MPPED2: variants seen among roughly 807,000 people sequenced by gnomAD.
The protein encoded by MPPED2 is metallophosphoesterase domain containing 2.
A neutral mutation model predicts 33.0 loss-of-function variants in MPPED2; 5 were observed. The ratio of observed to expected loss-of-function variants is 0.15; its 90% CI spans 0.08 to 0.32. The LOEUF (loss-of-function observed/expected upper bound fraction) is 0.32. Among genes scored for constraint, MPPED2 ranks in the 10% least tolerant of loss-of-function variants. MPPED2 has a pLI of 1.00. For synonymous variants in MPPED2, 136 were observed against 141.9 expected, an observed-to-expected ratio of 0.96 and a Z score of 0.29; for missense variants, 275 against 372.1, an observed-to-expected ratio of 0.74 and a Z score of 2.15.
chr11:30,438,887 A>C (rs1244807615), intron 4 of MPPED2, among the ~76,000 whole-genome samples: 2 of 152,178 alleles, frequency 1.3e-5, no homozygotes, highest in Non-Finnish European at 2.9e-5. Flanking sequence ...TCTTAACTAG[A>C]CTATAAGCTC....
chr11:30,471,738 A>G (rs1030699675), intron 4 of MPPED2, among the ~76,000 whole-genome samples: 2 of 152,176 alleles, frequency 1.3e-5, no homozygotes, highest in Admixed American at 1.3e-4. Context: ...CATTACAGTG[A>G]GCAGGCGTTC....
exon 7 of MPPED2, chr11:30,387,133 A>C (rs187518702): frequency 5.9e-5 from 11 of 185,660 alleles, no homozygotes; most frequent in Non-Finnish European, 1.0e-4. Context: ...CTGAGCATCT[A>C]AGCCACTCTC....
At chr11:30,563,847 A>T (rs1462058047) in intron 2 of MPPED2, among the ~76,000 whole-genome samples, 1 of 152,226 alleles carries the variant, frequency 6.6e-6, no homozygotes, top group Non-Finnish European at 1.5e-5. Context: ...TAGAAAGGGC[A>T]ATATTGCTAT....
chr11:30,445,315 C>T lies in MPPED2; in HGVS notation c.537-27682G>A, dbSNP rs948121187. Among the ~76,000 whole-genome samples, 12 of 152,210 alleles carry T rather than the reference C, an allele frequency of 7.9e-5. No homozygotes were observed. The East Asian group carries it at 1.9e-3, about 25-fold the overall frequency. On this transcript the variant is annotated intron_variant, in intron 4 of 6. Transcript: ENST00000358117. The stretch of plus-strand genomic sequence containing the variant: ...GCTAACATGATTTGTTGAAGACCTT[C>T]GACTAATACAAAGGAACTAAATTCC...
chr11:30,440,318 A>T (rs1949512163), intron 4 of MPPED2, among the ~76,000 whole-genome samples: 1 of 149,722 alleles, frequency 6.7e-6, no homozygotes, highest in Admixed American at 6.7e-5. Flanking sequence ...TGACAGCGTG[A>T]GACTCCGTCT....
At chr11:30,390,622 G>A (rs148817229) in intron 6 of MPPED2, among the ~76,000 whole-genome samples, 101 of 152,310 alleles carry the variant, frequency 6.6e-4, no homozygotes, top group African/African-American at 2.3e-3. Flanking sequence ...AAGAAAGACT[G>A]TTTCGGTTAG....
At chr11:30,498,173 C>A (rs1368728476) in intron 3 of MPPED2, among the ~76,000 whole-genome samples, 1 of 151,870 alleles carries the variant, frequency 6.6e-6, no homozygotes, top group South Asian at 2.1e-4. Flanking sequence ...CAAAGAGGTG[C>A]CTGCCTTTTT....
intron 6 of MPPED2, among the ~76,000 whole-genome samples, chr11:30,397,745 AT>A (rs1415379434): frequency 6.6e-6 from 1 of 152,102 alleles, no homozygotes; most frequent in Non-Finnish European, 1.5e-5. Flanking sequence ...AGATTAAGTA[AT>A]TTGATCAATA....
In MPPED2 at chr11:30,393,090, A is replaced by G. The variant is rs146056834; in HGVS notation, c.767-4134T>C. Among the ~76,000 whole-genome samples, 613 of 152,118 alleles carry G rather than the reference A, an allele frequency of 4.0e-3. 5 individuals carry two copies. The highest frequency in any genetic ancestry group is 0.014 in the African/African-American group (575 of 41,494). On this transcript the variant is annotated intron_variant, in intron 6 of 6. Coordinates refer to the MPPED2 transcript ENST00000448418. ...CCTTCAATTTGTGCCCAATCTGGAG[A>G]TCACCTCTCATCGACAGTTGTTTCT... is the stretch of plus-strand genomic sequence containing the variant.
At chr11:30,506,685 AC>A (rs1050604754) in intron 3 of MPPED2, among the ~76,000 whole-genome samples, 1 of 152,264 alleles carries the variant, frequency 6.6e-6, no homozygotes. Context: ...AATAAAAATA[AC>A]ATAAGGCATA....
Position 30,542,129 on chromosome 11 carries a change from A to C in MPPED2, c.129-5954T>G, listed in dbSNP as rs1394918969. ...TTTAAAGGAACTTAGAGATGATCTGATCCTGTGTTCCACTTCTTTGAGGAT... is the reference window on the plus strand; with the variant it reads ...TTTAAAGGAACTTAGAGATGATCTGCTCCTGTGTTCCACTTCTTTGAGGAT... On this transcript the variant is annotated intron_variant, in intron 2 of 6. Transcript: ENST00000358117. Among the ~76,000 whole-genome samples, 3 of 152,170 alleles carry C rather than the reference A, an allele frequency of 2.0e-5. No individual in the cohort carries two copies. The East Asian group carries it at 5.8e-4, about 29-fold the overall frequency.
intron 3 of MPPED2, among the ~76,000 whole-genome samples, chr11:30,522,152 T>A (rs1280635375): frequency 3.3e-5 from 5 of 152,128 alleles, no homozygotes; most frequent in Middle Eastern, 3.4e-3. Context: ...TGATTCTGTA[T>A]AGAAGCCTGG....
chr11:30,410,701 A>G lies in MPPED2; in HGVS notation c.*767T>C. 1.0e-6 allele frequency: 1 copy of G among 984,414 alleles called. No homozygotes were observed. The highest frequency in any genetic ancestry group is 1.2e-6 in the Non-Finnish European group (1 of 828,598). 61.0% of individuals were successfully genotyped at this position (984,414 alleles called of 1,614,324 possible). On this transcript the variant is annotated 3_prime_UTR_variant, in exon 7 of 7. Coordinates refer to ENST00000358117, the MANE Select transcript of MPPED2 (RefSeq NM_001584.3). The stretch of plus-strand genomic sequence containing the variant: ...AACTCCTAACGTAGTCATAATACAC[A>G]AAAAATACTTATATATATAAACCCA...
intron 2 of MPPED2, among the ~76,000 whole-genome samples, chr11:30,562,320 G>A (rs1410041983): frequency 6.6e-6 from 1 of 152,144 alleles, no homozygotes; most frequent in Non-Finnish European, 1.5e-5. Context: ...AGAACCAAAG[G>A]ACAAAAGAGT....
chr11:30,580,321 T>C lies in MPPED2; in HGVS notation c.53A>G (p.Tyr18Cys). The C allele has an allele frequency of 2.5e-6, 4 of 1,614,132 alleles. No individual in the cohort carries two copies. The highest frequency in any genetic ancestry group is 3.4e-6 in the Non-Finnish European group (4 of 1,180,002). The change falls in exon 2 of 7, where the codon TAC becomes TGC. Residue 18 changes from tyrosine (Y) to cysteine (C), a missense_variant. Tyr to Cys is a radical substitution (Grantham distance 194). Coordinates refer to ENST00000358117, the MANE Select transcript of MPPED2 (RefSeq NM_001584.3). ...QGKVTITVDE[Y>C]SSNPTQAFTH... is the part of the protein sequence containing the mutation. ...GAATGCCTGGGTGGGGTTTGAGCTG[T>C]ACTCATCCACCGTTATGGTAACTTT...
chr11:30,435,549 G>T (rs930059813), intron 4 of MPPED2, among the ~76,000 whole-genome samples: 5 of 152,228 alleles, frequency 3.3e-5, no homozygotes, highest in Non-Finnish European at 7.3e-5. Context: ...ACTGCAGTGA[G>T]AAGGAGAGAA....
Position 30,411,198 on chromosome 11 carries a change from T to C in MPPED2, c.*270A>G, listed in dbSNP as rs1355830619. 9.2e-7 allele frequency: 1 copy of C among 1,086,942 alleles called. No individual in the cohort carries two copies. The highest frequency in any genetic ancestry group is 5.6e-5 in the East Asian group (1 of 17,802). The allele number at this position is 1,086,942 out of a possible 1,614,324, so 67.3% of individuals were successfully genotyped here. A position where few individuals can be genotyped will look rare whatever the true frequency, so the allele number is the denominator to read the frequency against. ...CACTTTTTAAAAGAAAGCTTGGCTG[T>C]CCTTTGGCGAACACTAACAATTTAC... On this transcript the variant is annotated 3_prime_UTR_variant, in exon 7 of 7. Transcript: ENST00000358117.
At chr11:30,550,862 C>T (rs1404949522) in intron 2 of MPPED2, among the ~76,000 whole-genome samples, 1 of 152,188 alleles carries the variant, frequency 6.6e-6, no homozygotes, top group Admixed American at 6.5e-5. Context: ...GTATAATTCA[C>T]TCAACTTGTT....
chr11:30,469,882 C>A (rs2134052300), intron 4 of MPPED2, among the ~76,000 whole-genome samples: 1 of 152,244 alleles, frequency 6.6e-6, no homozygotes, highest in South Asian at 2.1e-4. Context: ...CTTAAGAATT[C>A]TTCAAGGAAA....
Sources: allele counts gnomAD v4.1 joint callset (sites outside exome capture counted in the v4.1 genomes callset), GRCh38; gene constraint gnomAD v4.1.1; transcripts MANE v1.5; gene names NCBI Gene and HGNC (gene_info 2026-07-23, HGNC 2026-07-21).